ANK3: variants seen among roughly 807,000 people sequenced by gnomAD.
ANK3 encodes the protein ankyrin 3.
In ANK3, 57 loss-of-function variants were observed where a neutral mutation model predicts 370.9. The ratio of observed to expected loss-of-function variants is 0.15; its 90% CI spans 0.12 to 0.19. The LOEUF (loss-of-function observed/expected upper bound fraction) is 0.19. Among genes scored for constraint, ANK3 ranks in the 10% least tolerant of loss-of-function variants. The probability of loss-of-function intolerance (pLI) is 1.00; values close to 1 mark genes in which losing one functional copy is unlikely to be tolerated. For synonymous variants in ANK3, 1,929 were observed against 1,946.3 expected (o/e 0.99, Z 0.23); for missense variants, 4,439 against 5,302.1 (o/e 0.84, Z 5.06).
Position 60,060,325 on chromosome 10 carries a change from AGAC to A in ANK3, c.12596-898_12596-896del, listed in dbSNP as rs2080146086. 5 of 173,360 alleles carry A rather than the reference AGAC, an allele frequency of 2.9e-5. No homozygotes were observed. The South Asian group carries it at 9.0e-4, about 31-fold the overall frequency. The allele number at this position is 173,360 out of a possible 1,614,324, so 10.7% of individuals were successfully genotyped here. ...AGTTTATATATTTAAGTTTATATAA[AGAC>A]CAATATAAAGTTAGTTGTCATTACA... On this transcript the variant is annotated intron_variant, in intron 40 of 43. Transcript: ENST00000280772.
chr10:60,402,516 C>T (rs1371180692), intron 2 of ANK3, among the ~76,000 whole-genome samples: 4 of 152,168 alleles, frequency 2.6e-5, no homozygotes, highest in African/African-American at 9.7e-5. Context: ...TATATGCACA[C>T]TCACTTGGAA....
intron 23 of ANK3, among the ~76,000 whole-genome samples, chr10:60,159,043 C>T (rs1009373624): frequency 2.0e-5 from 3 of 152,074 alleles, no homozygotes; most frequent in African/African-American, 7.2e-5. Flanking sequence ...ACAAACAAAA[C>T]AATCAGAAAA....
At chr10:60,353,329 A>G (rs2057232663) in intron 1 of ANK3, among the ~76,000 whole-genome samples, 1 of 152,066 alleles carries the variant, frequency 6.6e-6, no homozygotes, top group Non-Finnish European at 1.5e-5. Flanking sequence ...TCTTTAGTCC[A>G]TGAGTTCACC....
At chr10:60,650,590 T>C (rs1178256283) in intron 1 of ANK3, among the ~76,000 whole-genome samples, 1 of 152,104 alleles carries the variant, frequency 6.6e-6, no homozygotes, top group African/African-American at 2.4e-5. Context: ...CTGGCTTCTG[T>C]GAAAGATAAT....
At chr10:60,369,512 T>C (rs1262548663) in intron 1 of ANK3, among the ~76,000 whole-genome samples, 1 of 152,196 alleles carries the variant, frequency 6.6e-6, no homozygotes, top group Non-Finnish European at 1.5e-5. Context: ...TAAGAAGGCC[T>C]CTTGCCTTAG....
At chr10:60,046,955 C>T (rs920811944) in intron 42 of ANK3, among the ~76,000 whole-genome samples, 5 of 152,006 alleles carry the variant, frequency 3.3e-5, no homozygotes, top group Admixed American at 1.3e-4. Context: ...TACAGGCGCC[C>T]GCCACCATGC....
chr10:60,321,006 AG>A (rs2048512296), intron 1 of ANK3, among the ~76,000 whole-genome samples: 1 of 152,200 alleles, frequency 6.6e-6, no homozygotes, highest in Admixed American at 6.5e-5. Flanking sequence ...TAGTAAAATC[AG>A]GACAAAAAGG....
chr10:60,697,691 G>A (rs1048428648), intron 1 of ANK3, among the ~76,000 whole-genome samples: 2 of 151,348 alleles, frequency 1.3e-5, no homozygotes, highest in African/African-American at 4.9e-5. Flanking sequence ...TGGGAAAACT[G>A]GCTAGCCATA....
At chr10:60,390,870 G>A (rs1171782737), upstream of ANK3, among the ~76,000 whole-genome samples, 2 of 152,042 alleles carry the variant, frequency 1.3e-5, no homozygotes, top group Admixed American at 1.3e-4. Context: ...CCATAACTTT[G>A]GCGGTCGGTG....
intron 1 of ANK3, among the ~76,000 whole-genome samples, chr10:60,706,576 C>T (rs1404550879): frequency 4.6e-5 from 7 of 151,980 alleles, no homozygotes; most frequent in African/African-American, 1.7e-4. Flanking sequence ...TGTATACTTC[C>T]AAAATAAACC....
intron 1 of ANK3, among the ~76,000 whole-genome samples, chr10:60,620,057 T>C (rs1335078801): frequency 6.6e-6 from 1 of 152,202 alleles, no homozygotes; most frequent in African/African-American, 2.4e-5. Flanking sequence ...ATGGGAATTA[T>C]AATATTACTA....
chr10:60,375,688 TTTCTTCCTAC>T (rs1296372392), intron 1 of ANK3, among the ~76,000 whole-genome samples: 1 of 152,188 alleles, frequency 6.6e-6, no homozygotes, highest in Non-Finnish European at 1.5e-5. Flanking sequence ...ATAAACCACA[TTTCTTCCTAC>T]TAGAAATTTG....
intron 12 of ANK3, among the ~76,000 whole-genome samples, chr10:60,200,584 G>A (rs962765211): frequency 1.3e-5 from 2 of 152,058 alleles, no homozygotes; most frequent in South Asian, 2.1e-4. Context: ...CCACACCTGC[G>A]CTGAAGCAGG....
At chr10:60,648,362 T>C (rs2078740274) in intron 1 of ANK3, among the ~76,000 whole-genome samples, 1 of 146,556 alleles carries the variant, frequency 6.8e-6, no homozygotes, top group African/African-American at 2.5e-5. Context: ...GATTTCACTA[T>C]GTTGGCCAGG....
chr10:60,480,915 C>T (rs2075196526), intron 2 of ANK3, among the ~76,000 whole-genome samples: 1 of 152,118 alleles, frequency 6.6e-6, no homozygotes, highest in South Asian at 2.1e-4. Flanking sequence ...TTACCATGTT[C>T]ATTTATACAT....
At chr10:60,093,095 T>C (rs542315456) in intron 28 of ANK3, among the ~76,000 whole-genome samples, 1 of 152,314 alleles carries the variant, frequency 6.6e-6, no homozygotes, top group Admixed American at 6.5e-5. Flanking sequence ...ACAGTTTGCT[T>C]AGGAGAATAT....
intron 2 of ANK3, among the ~76,000 whole-genome samples, chr10:60,484,247 A>G (rs1396195149): frequency 6.6e-6 from 1 of 152,226 alleles, no homozygotes; most frequent in East Asian, 1.9e-4. Flanking sequence ...ACAACCTTAG[A>G]TGACGGTTGT....
chr10:60,175,281 A>T (rs1344008149), intron 18 of ANK3, among the ~76,000 whole-genome samples: 1 of 152,232 alleles, frequency 6.6e-6, no homozygotes, highest in East Asian at 1.9e-4. Flanking sequence ...AGAAGATTGA[A>T]CTTGCATTCA....
chr10:60,091,631 G>A (rs1046804441), intron 28 of ANK3, among the ~76,000 whole-genome samples: 2 of 152,140 alleles, frequency 1.3e-5, no homozygotes, highest in Non-Finnish European at 2.9e-5. Flanking sequence ...GACAAAGAGC[G>A]ACTGCCCTGT....
Sources: gnomAD v4.1 joint callset for allele counts (sites outside exome capture counted in the v4.1 genomes callset) on GRCh38, gnomAD v4.1.1 for gene constraint, MANE v1.5 for transcripts, NCBI Gene and HGNC (gene_info 2026-07-23, HGNC 2026-07-21) for gene names.